NME8: variants seen among roughly 807,000 people sequenced by gnomAD.
The protein encoded by NME8 is NME/NM23 family member 8.
A neutral mutation model predicts 82.3 loss-of-function variants in NME8; 72 were observed. The ratio of observed to expected loss-of-function variants is 0.87; its 90% CI spans 0.72 to 1.06. NME8 has a LOEUF of 1.06. NME8 is among the 50% of genes least tolerant of loss of function. The pLI, the probability that NME8 is intolerant of heterozygous loss-of-function variation, is 0.00. For synonymous variants in NME8, 267 were observed against 228.5 expected (o/e 1.17, Z -1.52); for missense variants, 712 against 685.4 (o/e 1.04, Z -0.43).
rs1017512844 is a variant in NME8 at position 37,896,883 on chromosome 7, G to T, written c.1558G>T (p.Val520Phe). 17 of 1,613,570 alleles carry T rather than the reference G, an allele frequency of 1.1e-5. No homozygotes were observed. Among genetic ancestry groups the T allele is most frequent in the Non-Finnish European group, 1.4e-5 (17 of 1,179,756 alleles). Residue 520 changes from valine to phenylalanine, a missense_variant, in exon 17 of 18, where the codon GTC becomes TTC. Val to Phe is a conservative substitution (Grantham distance 50). Coordinates refer to ENST00000199447, the MANE Select transcript of NME8 (RefSeq NM_016616.5). ...LEMLSVGPSM[V>F]MILTKWNAVA... Reference sequence around the variant, plus strand: ...CGTTCTTTGCAGGGGTCCATCTATGGTCATGATTCTGACCAAGTGGAATGC... The same window carrying T: ...CGTTCTTTGCAGGGGTCCATCTATGTTCATGATTCTGACCAAGTGGAATGC...
At chr7:37,872,560 A>G (rs571378504) in intron 11 of NME8, among the ~76,000 whole-genome samples, 1 of 152,362 alleles carries the variant, frequency 6.6e-6, no homozygotes, top group East Asian at 1.9e-4. Flanking sequence ...CTTGAATTAT[A>G]CAAATTGTGA....
chr7:37,872,153 A>C (rs544055801), intron 11 of NME8, among the ~76,000 whole-genome samples: 1 of 152,120 alleles, frequency 6.6e-6, no homozygotes, highest in Non-Finnish European at 1.5e-5. Context: ...CTTCACTGAG[A>C]CTTCCTGACT....
At chr7:37,857,479 CTATT>C (rs1363603139) in intron 6 of NME8, 134 bp downstream of exon 6, 6 of 658,418 alleles carry the variant, frequency 9.1e-6, no homozygotes, top group East Asian at 8.8e-5. Context: ...CTTTTCTTGA[CTATT>C]TATAAATTTT....
chr7:37,866,493 A>T (rs1425978304), intron 10 of NME8, among the ~76,000 whole-genome samples: 1 of 152,200 alleles, frequency 6.6e-6, no homozygotes, highest in Non-Finnish European at 1.5e-5. Flanking sequence ...CCCACCTCAG[A>T]CTTACTAAAT....
intron 6 of NME8, among the ~76,000 whole-genome samples, chr7:37,861,634 A>C (rs928650104): frequency 6.6e-6 from 1 of 152,174 alleles, no homozygotes; most frequent in East Asian, 1.9e-4. Context: ...TGCTTAGTAA[A>C]CAGGTGTTAA....
intron 11 of NME8, among the ~76,000 whole-genome samples, chr7:37,873,417 A>G (rs1433658601): frequency 2.0e-5 from 3 of 150,688 alleles, no homozygotes; most frequent in East Asian, 1.9e-4. Context: ...ATATAAACAT[A>G]TGAGTATAAA....
At chr7:37,856,950 C>A (rs1215787592) in intron 5 of NME8, among the ~76,000 whole-genome samples, 2 of 151,926 alleles carry the variant, frequency 1.3e-5, no homozygotes, top group Admixed American at 1.3e-4. Flanking sequence ...TGATTTACAG[C>A]AAAAGGAAGT....
chr7:37,850,838 T>G, intron 5 of NME8, 103 bp downstream of exon 5: 1 of 763,710 alleles, frequency 1.3e-6, no homozygotes, highest in Non-Finnish European at 2.3e-6. Context: ...AACCTGTCAG[T>G]TCTTCAAAAT....
chr7:37,899,277 A>C (rs902797219), intron 17 of NME8, among the ~76,000 whole-genome samples: 5 of 152,258 alleles, frequency 3.3e-5, no homozygotes, highest in African/African-American at 9.6e-5. Flanking sequence ...ATATGGAATC[A>C]GTCTAAATGC....
At chr7:37,878,581 T>C (rs938082762) in intron 12 of NME8, among the ~76,000 whole-genome samples, 7 of 152,220 alleles carry the variant, frequency 4.6e-5, no homozygotes, top group Non-Finnish European at 7.3e-5. Context: ...GGTTCTCTTT[T>C]TTGGAAGATT....
chr7:37,895,484 G>C (rs1164443514), intron 16 of NME8, among the ~76,000 whole-genome samples: 2 of 152,140 alleles, frequency 1.3e-5, no homozygotes, highest in African/African-American at 4.8e-5. Flanking sequence ...GTGTTTCGCT[G>C]GGTCCTGAAC....
chr7:37,854,226 G>T (rs368541953), intron 5 of NME8, among the ~76,000 whole-genome samples: 56 of 152,198 alleles, frequency 3.7e-4, no homozygotes, highest in African/African-American at 1.2e-3. Flanking sequence ...CTAGAGGAAA[G>T]AAAATAGTAT....
intron 12 of NME8, among the ~76,000 whole-genome samples, chr7:37,880,439 A>G (rs1033968658): frequency 8.5e-5 from 13 of 152,196 alleles, no homozygotes; most frequent in African/African-American, 3.1e-4. Context: ...TTTCAGCACC[A>G]TTTGTTGACA....
At chr7:37,857,163 G>A (rs576813254) in intron 5 of NME8, 111 bp from the exon 6 acceptor site, 19 of 805,186 alleles carry the variant, frequency 2.4e-5, no homozygotes, top group Admixed American at 6.4e-5. Flanking sequence ...CATACCGAAT[G>A]TTGCAGTAAA....
In NME8 at chr7:37,894,501, G is replaced by T; in HGVS notation, c.1435G>T (p.Asp479Tyr). ...GAAGATAGTTAAGGAGGCTGGATTT[G>T]ATCTGACACAGGTGAAGAAAATGTT... ...ILKIVKEAGF[D>Y]LTQVKKMFLT... Residue 479 changes from aspartate to tyrosine, a missense_variant, in exon 16 of 18, where the codon GAT (aspartate) becomes TAT (tyrosine). Transcript: ENST00000199447. 1 of 1,613,208 alleles carries T rather than the reference G, an allele frequency of 6.2e-7. No homozygotes were observed. The highest frequency in any genetic ancestry group is 8.5e-7 in the Non-Finnish European group (1 of 1,179,422).
chr7:37,897,207 C>G (rs1241613771), intron 17 of NME8, 100 bp downstream of exon 17: 1 of 766,208 alleles, frequency 1.3e-6, no homozygotes, highest in Non-Finnish European at 2.2e-6. Context: ...TTCCTAAATT[C>G]CTGAATCAAG....
intron 11 of NME8, among the ~76,000 whole-genome samples, chr7:37,871,938 T>G (rs1392159857): frequency 6.6e-6 from 1 of 152,124 alleles, no homozygotes; most frequent in Non-Finnish European, 1.5e-5. Context: ...TGCAAAGCTT[T>G]CTTTCCTCTC....
chr7:37,895,583 A>G (rs1449900616), intron 16 of NME8, among the ~76,000 whole-genome samples: 1 of 152,150 alleles, frequency 6.6e-6, no homozygotes, highest in Non-Finnish European at 1.5e-5. Flanking sequence ...TCGATTTACT[A>G]TGAGTTACAT....
At position 37,867,828 on chromosome 7, in the gene NME8, G is replaced by A. The variant is rs773058604; in HGVS notation, c.748G>A (p.Glu250Lys). 23 of 1,613,642 alleles carry A rather than the reference G, an allele frequency of 1.4e-5. No individual in the cohort carries two copies. Among genetic ancestry groups the A allele is most frequent in the African/African-American group, 8.0e-5 (6 of 74,856 alleles). ...ACCACAGACTGACACCGAACCTAAC[G>A]AACGATCTGAGGATCAACCTGAGGT... ...TEPQTDTEPN[E>K]RSEDQPEVEA... Residue 250 changes from glutamate to lysine, a missense_variant, in exon 11 of 18, where the codon GAA becomes AAA. Transcript: ENST00000199447.
Sources: gnomAD v4.1 joint callset for allele counts (sites outside exome capture counted in the v4.1 genomes callset) on GRCh38, gnomAD v4.1.1 for gene constraint, MANE v1.5 for transcripts, NCBI Gene and HGNC (gene_info 2026-07-23, HGNC 2026-07-21) for gene names.